Variants in EP400 observed in about 807,000 individuals in gnomAD.
The protein encoded by EP400 is E1A binding protein p400.
EP400 carries 105 observed loss-of-function variants against 354.1 expected under a neutral mutation model. The observed-to-expected ratio is 0.30, with a 90% CI of 0.25 to 0.35. EP400 has a LOEUF of 0.35. EP400 is among the 10% of genes least tolerant of loss of function. The pLI, the probability that EP400 is intolerant of heterozygous loss-of-function variation, is 1.00. For synonymous variants in EP400, 1,646 were observed against 1,716.9 expected (o/e 0.96, Z 1.02); for missense variants, 3,280 against 4,121.0 (o/e 0.80, Z 5.59).
At chr12:132,034,431 T>A (rs1894624693) in intron 30 of EP400, among the ~76,000 whole-genome samples, 1 of 152,216 alleles carries the variant, frequency 6.6e-6, no homozygotes, top group Non-Finnish European at 1.5e-5. Flanking sequence ...TATATTTTTG[T>A]GAAAACGCTC....
At chr12:132,026,256 CTGG>C (rs1894301265) in intron 25 of EP400, among the ~76,000 whole-genome samples, 1 of 152,212 alleles carries the variant, frequency 6.6e-6, no homozygotes, top group Non-Finnish European at 1.5e-5. Context: ...CCAGGTCTCT[CTGG>C]ACATGCTCTG....
In EP400 at chr12:132,038,198, TG is replaced by T; in HGVS notation, c.6207+104del. ...TGGGTGCTCAGTCCCCACTCTTCCC[TG>T]GCCTGAAGCCCTCTTCCCGTCCCTG... On this transcript the variant is annotated intron_variant, in intron 32 of 52. Transcript: ENST00000389561. This position sits in a 1 kb window ranked among gnomAD's most constrained non-coding sequence, Gnocchi z 4.2. The T allele has an allele frequency of 6.8e-7, 1 of 1,463,672 alleles. No homozygotes were observed. Among genetic ancestry groups the T allele is most frequent in the Non-Finnish European group, 9.3e-7 (1 of 1,076,614 alleles). The allele number at this position is 1,463,672 out of a possible 1,614,324, so 90.7% of individuals were successfully genotyped here.
At chr12:132,048,798 C>G (rs1211592257) in intron 39 of EP400, among the ~76,000 whole-genome samples, 1 of 152,188 alleles carries the variant, frequency 6.6e-6, no homozygotes, top group Non-Finnish European at 1.5e-5. Flanking sequence ...AATCTACCCA[C>G]CTCGGCCTCC....
rs187667721 is a variant in EP400 at position 132,001,218 on chromosome 12, C to T, written c.2828-3859C>T. Among the ~76,000 whole-genome samples, 11 of 152,004 alleles carry T rather than the reference C, an allele frequency of 7.2e-5. No individual in the cohort carries two copies. The East Asian group carries it at 1.7e-3, about 24-fold the overall frequency. On this transcript the variant is annotated intron_variant, in intron 12 of 52. Transcript: ENST00000389561. Reference sequence around the variant, plus strand: ...GGTAGTGGCCCCGAATGTCTGGCTGCGCTATTATTTATTGGATACAAAGCA... The same window carrying T: ...GGTAGTGGCCCCGAATGTCTGGCTGTGCTATTATTTATTGGATACAAAGCA...
rs1055858738 is a variant in EP400 at position 132,038,328 on chromosome 12, C to T, written c.6207+232C>T. 2.0e-4 allele frequency among the ~76,000 whole-genome samples: 30 copies of T among 152,310 alleles called. No homozygotes were observed. The highest frequency in any genetic ancestry group is 9.8e-4 in the Admixed American group (15 of 15,304). On this transcript the variant is annotated intron_variant, in intron 32 of 52. Coordinates refer to ENST00000389561, the MANE Select transcript of EP400 (RefSeq NM_015409.5). The surrounding 1 kb of genome is among the most constrained non-coding windows in gnomAD (Gnocchi z 4.2). ...AGGTCGCGGACCACAGGCCTGTCAC[C>T]GAAGCAGTCGCTGCCGTCTTCATCT...
rs1165903725 is a variant in EP400, at chr12:132,050,486, G to A, written c.7337+27G>A. ...TATGTTTCCTGAGTGCTCATTTTAT[G>A]TTCATTATGACTGAGTAGATTGCGT... is the stretch of plus-strand genomic sequence containing the variant. On this transcript the variant is annotated intron_variant, in intron 40 of 52. Transcript: ENST00000389561. The surrounding 1 kb of genome is among the most constrained non-coding windows in gnomAD (Gnocchi z 4.8). 5 of 1,613,980 alleles carry A rather than the reference G, an allele frequency of 3.1e-6. No individual in the cohort carries two copies. Among genetic ancestry groups the A allele is most frequent in the Non-Finnish European group, 4.2e-6 (5 of 1,179,934 alleles).
intron 16 of EP400, 85 bp from the exon 17 acceptor site, chr12:132,012,924 C>A (rs1893811213): frequency 5.7e-6 from 8 of 1,399,414 alleles, no homozygotes; most frequent in Non-Finnish European, 7.6e-6. Flanking sequence ...CACTGGGTGG[C>A]AAGCTTTGGG....
Position 132,017,512 on chromosome 12 carries a change from C to T in EP400, c.3924-23C>T, listed in dbSNP as rs117373277. The T allele has an allele frequency of 9.4e-3, 15,215 of 1,611,134 alleles. 445 individuals are homozygous for T. The highest frequency in any genetic ancestry group is 0.082 in the South Asian group (7,418 of 90,846). Reference sequence around the variant, plus strand: ...CATGTGCCGTTTGGATTGAATGCTTCGTGTTTCTTTCTCCACGGGCAGCAC... The same window carrying T: ...CATGTGCCGTTTGGATTGAATGCTTTGTGTTTCTTTCTCCACGGGCAGCAC... On this transcript the variant is annotated intron_variant, in intron 19 of 52. Coordinates refer to ENST00000389561, the MANE Select transcript of EP400 (RefSeq NM_015409.5). This position sits in a 1 kb window ranked among gnomAD's most constrained non-coding sequence, Gnocchi z 5.0.
chr12:132,017,485 T>C lies in EP400; in HGVS notation c.3924-50T>C. The C allele has an allele frequency of 1.3e-6, 2 of 1,595,468 alleles. No homozygotes were observed. The highest frequency in any genetic ancestry group is 1.1e-5 in the South Asian group (1 of 89,234). On this transcript the variant is annotated intron_variant, in intron 19 of 52. Transcript: ENST00000389561. The surrounding 1 kb of genome is among the most constrained non-coding windows in gnomAD (Gnocchi z 5.0). Reference sequence around the variant, plus strand: ...AGTCGATGGTGAGGGTGGGACTATGTCCATGTGCCGTTTGGATTGAATGCT... The same window carrying C: ...AGTCGATGGTGAGGGTGGGACTATGCCCATGTGCCGTTTGGATTGAATGCT...
At position 131,981,506 on chromosome 12, in the gene EP400, C is replaced by T. The variant is rs748157239; in HGVS notation, c.1453C>T (p.Arg485Cys). ...TGMAEQSKRP[R>C]LEVGHQGVVF... ...TATTCTAGAGCAGTCTAAGAGGCCTCGCCTTGAAGTGGGTCACCAAGGGGT... is the reference window on the plus strand; with the variant it reads ...TATTCTAGAGCAGTCTAAGAGGCCTTGCCTTGAAGTGGGTCACCAAGGGGT... Residue 485 changes from arginine (R) to cysteine (C), a missense_variant, in exon 4 of 53, where the codon CGC (arginine) becomes TGC (cysteine). Coordinates refer to ENST00000389561, the MANE Select transcript of EP400 (RefSeq NM_015409.5). 1.3e-5 allele frequency: 20 copies of T among 1,582,384 alleles called. No homozygotes were observed. The highest frequency in any genetic ancestry group is 9.1e-5 in the East Asian group (4 of 43,872).
In EP400 at chr12:131,960,963, A is replaced by G. The variant is rs762924343; in HGVS notation, c.344A>G (p.His115Arg). Residue 115 changes from histidine (H) to arginine (R), a missense_variant, in exon 2 of 53, where the codon CAT becomes CGT. By Grantham distance (29) the His-to-Arg change is conservative. Transcript: ENST00000389561. The part of the protein sequence containing the change: ...QFSAQPRRFE[H>R]GSPSYIQVTS... ...AGCGCTCAGCCTCGGCGGTTTGAGC[A>G]TGGGTCTCCATCATACATTCAGGTC... 1 of 1,610,486 alleles carries G rather than the reference A, an allele frequency of 6.2e-7. No homozygotes were observed. The highest frequency in any genetic ancestry group is 1.1e-5 in the South Asian group (1 of 90,776).
At chr12:131,958,049 C>T (rs964065143) in intron 1 of EP400, among the ~76,000 whole-genome samples, 3 of 152,118 alleles carry the variant, frequency 2.0e-5, no homozygotes, top group African/African-American at 4.8e-5. Context: ...TCTTTCTAGC[C>T]CTCATTTTCT....
chr12:132,007,644 G>A (rs1278384159), intron 15 of EP400, among the ~76,000 whole-genome samples: 2 of 152,228 alleles, frequency 1.3e-5, no homozygotes, highest in Non-Finnish European at 2.9e-5. Flanking sequence ...TCTTGCTCTT[G>A]TAAGAGAAGT....
chr12:131,959,767 C>G (rs1202792083), intron 1 of EP400, among the ~76,000 whole-genome samples: 1 of 152,208 alleles, frequency 6.6e-6, no homozygotes, highest in Non-Finnish European at 1.5e-5. Flanking sequence ...TGAGGCTGTT[C>G]CCTACCTTCC....
intron 14 of EP400, 109 bp downstream of exon 14, chr12:132,006,411 G>A (rs1400681991): frequency 7.6e-7 from 1 of 1,307,872 alleles, no homozygotes; most frequent in Non-Finnish European, 1.0e-6. Context: ...TATCCCAACT[G>A]CAGAGTTGTC....
At position 131,961,898 on chromosome 12, in the gene EP400, G is replaced by C; in HGVS notation, c.1279G>C (p.Glu427Gln). Residue 427 changes from glutamate (E) to glutamine (Q), a missense_variant, in exon 2 of 53, where the codon GAA becomes CAA. By Grantham distance (29) the Glu-to-Gln change is conservative. Transcript: ENST00000389561. ...TAGGCAGAATGATTTGGACATTGAAGAAGAGGAGGAGGAGGAGGAAGAGGA... is the reference window on the plus strand; with the variant it reads ...TAGGCAGAATGATTTGGACATTGAACAAGAGGAGGAGGAGGAGGAAGAGGA... ...YLRQNDLDIEEEEEEEEEEEE... is the reference protein window; with the variant it reads ...YLRQNDLDIEQEEEEEEEEEE... 2 of 1,614,068 alleles carry C rather than the reference G, an allele frequency of 1.2e-6. No individual in the cohort carries two copies. The highest frequency in any genetic ancestry group is 1.7e-6 in the Non-Finnish European group (2 of 1,179,908).
At position 132,011,482 on chromosome 12, in the gene EP400, G is replaced by GT; in HGVS notation, c.3305-10dup. The GT allele has an allele frequency of 6.2e-7, 1 of 1,611,672 alleles. No homozygotes were observed. The highest frequency in any genetic ancestry group is 8.5e-7 in the Non-Finnish European group (1 of 1,179,310). ...CAGATACTTTGACGTGGAAAATTCT[G>GT]TTTTTTGCTTTGTAGGTAATTGGGG... is the stretch of plus-strand genomic sequence containing the variant. On this transcript the variant is annotated splice_polypyrimidine_tract_variant and intron_variant, in intron 15 of 52. Coordinates refer to ENST00000389561, the MANE Select transcript of EP400 (RefSeq NM_015409.5).
intron 30 of EP400, among the ~76,000 whole-genome samples, chr12:132,034,607 G>GTGC (rs780942027): frequency 1.3e-5 from 2 of 152,192 alleles, no homozygotes; most frequent in African/African-American, 4.8e-5. Context: ...CTGCATAAGG[G>GTGC]TGCTGTTGGT....
Position 131,981,556 on chromosome 12 carries a change from C to T in EP400, c.1503C>T (p.Asp501=), listed in dbSNP as rs563164907. 133 of 1,602,248 alleles carry T rather than the reference C, an allele frequency of 8.3e-5. 3 individuals carry two copies. In the South Asian group the frequency reaches 1.4e-3, roughly 17 times the overall value. Residue 501 remains aspartate (D), a synonymous_variant, in exon 4 of 53, where the codon GAC becomes GAT. Transcript: ENST00000389561. The part of the protein sequence containing the change: ...QGVVFQHPGA[D]AGVPLQQLMP... ...TAGTTTTCCAGCACCCAGGGGCGGACGCAGGCGTTCCTCTCCAGCAACTAA... is the reference window on the plus strand; with the variant it reads ...TAGTTTTCCAGCACCCAGGGGCGGATGCAGGCGTTCCTCTCCAGCAACTAA...
Sources: allele counts gnomAD v4.1 joint callset (sites outside exome capture counted in the v4.1 genomes callset), GRCh38; gene constraint gnomAD v4.1.1; non-coding constraint Gnocchi (gnomAD v3.1); transcripts MANE v1.5; gene names NCBI Gene and HGNC (gene_info 2026-07-23, HGNC 2026-07-21).